IL1R1: variants seen among roughly 807,000 people sequenced by gnomAD.
The protein encoded by IL1R1 is interleukin 1 receptor type 1, also known as interleukin-1 receptor type 1.
A neutral mutation model predicts 50.2 loss-of-function variants in IL1R1; 22 were observed. That is an observed-to-expected ratio of 0.44 (90% CI 0.31 to 0.63). The LOEUF is 0.63. IL1R1 is among the 20% of genes least tolerant of loss of function. The probability of loss-of-function intolerance (pLI) is 0.07; values close to 1 mark genes in which losing one functional copy is unlikely to be tolerated. For missense variants in IL1R1, 509 were observed against 676.2 expected, an observed-to-expected ratio of 0.75 and a Z score of 2.74; for synonymous variants, 251 against 236.7, an observed-to-expected ratio of 1.06 and a Z score of -0.55.
At chr2:102,141,376 AC>A (rs1263220352), upstream of IL1R1, among the ~76,000 whole-genome samples, 2 of 152,210 alleles carry the variant, frequency 1.3e-5, no homozygotes, top group African/African-American at 4.8e-5. Flanking sequence ...AGGCTGTGAG[AC>A]CTTCTGCTGT....
intron 1 of IL1R1, among the ~76,000 whole-genome samples, chr2:102,120,326 G>A (rs144957658): frequency 2.6e-4 from 40 of 152,180 alleles, no homozygotes; most frequent in African/African-American, 8.7e-4. Flanking sequence ...GTGAATGTAC[G>A]TGTTTGTTGT....
chr2:102,134,065 CA>C (rs1305035135), intron 1 of IL1R1, among the ~76,000 whole-genome samples: 1 of 152,086 alleles, frequency 6.6e-6, no homozygotes. Flanking sequence ...GATCAATATA[CA>C]AAAATCAGTT....
At chr2:102,165,610 CA>C (rs984705979) in intron 5 of IL1R1, among the ~76,000 whole-genome samples, 1 of 152,088 alleles carries the variant, frequency 6.6e-6, no homozygotes, top group African/African-American at 2.4e-5. Context: ...CTATTTATTA[CA>C]AAACATACTA....
At chr2:102,127,889 T>C (rs1255560714) in intron 1 of IL1R1, among the ~76,000 whole-genome samples, 1 of 152,204 alleles carries the variant, frequency 6.6e-6, no homozygotes, top group African/African-American at 2.4e-5. Flanking sequence ...AAAACCACTT[T>C]CACATGGCAA....
intron 5 of IL1R1, among the ~76,000 whole-genome samples, chr2:102,165,643 G>A (rs981153992): frequency 7.9e-5 from 12 of 152,188 alleles, no homozygotes; most frequent in African/African-American, 2.9e-4. Flanking sequence ...TTGAAGATAT[G>A]GTCTTCAAAT....
At chr2:102,102,914 C>T (rs1457419211), upstream of IL1R1, among the ~76,000 whole-genome samples, 1 of 152,072 alleles carries the variant, frequency 6.6e-6, no homozygotes, top group Non-Finnish European at 1.5e-5. Context: ...TCAAATACTG[C>T]ATGGTCTCAC....
intron 1 of IL1R1, among the ~76,000 whole-genome samples, chr2:102,106,909 C>G (rs1372922208): frequency 1.3e-5 from 2 of 152,092 alleles, no homozygotes; most frequent in Admixed American, 6.6e-5. Flanking sequence ...ATGTTCTTCT[C>G]TTATTAACAG....
chr2:102,174,301 T>TAAATGTGGATTTTAACTTTTCCCTG (rs1243907110), intron 9 of IL1R1, among the ~76,000 whole-genome samples: 2 of 152,204 alleles, frequency 1.3e-5, no homozygotes, highest in Non-Finnish European at 2.9e-5. Context: ...TTTTCCCTGT[T>TAAATGTGGATTTTAACTTTTCCCTG]TTACTGTGGA....
chr2:102,145,138 T>C (rs1212177909), intron 1 of IL1R1, among the ~76,000 whole-genome samples: 1 of 152,228 alleles, frequency 6.6e-6, no homozygotes, highest in African/African-American at 2.4e-5. Context: ...ATAATGGATA[T>C]ACTAGGTTCT....
chr2:102,103,122 T>C (rs928057253), upstream of IL1R1, among the ~76,000 whole-genome samples: 1 of 152,078 alleles, frequency 6.6e-6, no homozygotes, highest in Non-Finnish European at 1.5e-5. Flanking sequence ...ATAACAGACC[T>C]GCACAAGTAC....
chr2:102,134,262 G>GTTCTC (rs1682212345), intron 1 of IL1R1, among the ~76,000 whole-genome samples: 1 of 151,680 alleles, frequency 6.6e-6, no homozygotes, highest in African/African-American at 2.4e-5. Flanking sequence ...GTTCTTGTCG[G>GTTCTC]TGCACTCAAC....
chr2:102,115,527 G>A (rs965342960), intron 1 of IL1R1, among the ~76,000 whole-genome samples: 1 of 152,176 alleles, frequency 6.6e-6, no homozygotes, highest in Non-Finnish European at 1.5e-5. Flanking sequence ...CTGAACAGCA[G>A]GGGAGAGAAC....
chr2:102,160,633 T>C (rs1355895036), intron 3 of IL1R1, among the ~76,000 whole-genome samples: 2 of 151,996 alleles, frequency 1.3e-5, no homozygotes, highest in Non-Finnish European at 2.9e-5. Flanking sequence ...CCCAAACCAA[T>C]GTTACCCCAG....
chr2:102,146,726 T>G (rs913783957), intron 1 of IL1R1, among the ~76,000 whole-genome samples: 1 of 152,234 alleles, frequency 6.6e-6, no homozygotes, highest in African/African-American at 2.4e-5. Context: ...GGGGCTAGGC[T>G]TCAAACATTG....
upstream of IL1R1, among the ~76,000 whole-genome samples, chr2:102,102,027 A>G: frequency 6.6e-6 from 1 of 152,228 alleles, no homozygotes; most frequent in East Asian, 1.9e-4. Flanking sequence ...TTAACTAAAC[A>G]GTGCAGATTC....
Position 102,132,220 on chromosome 2 carries a change from A to T in IL1R1, c.-83-21721A>T, listed in dbSNP as rs114561265. 3.0e-3 allele frequency among the ~76,000 whole-genome samples: 460 copies of T among 151,658 alleles called. 5 individuals are homozygous for T. The highest frequency in any genetic ancestry group is 0.01 in the African/African-American group (434 of 41,382). ...TCAGACAGAAGGAAAAGGATACTAG[A>T]TGGAGATCTGGATCTATCCAAAGGA... On this transcript the variant is annotated intron_variant, in intron 1 of 10. Coordinates refer to the IL1R1 transcript ENST00000409329.
intron 8 of IL1R1, chr2:102,172,316 A>G (rs1685760474): frequency 1.0e-6 from 1 of 985,202 alleles, no homozygotes; most frequent in Non-Finnish European, 1.2e-6. Context: ...TGGGACAAGG[A>G]TCTCCTGGCT....
At chr2:102,111,434 G>A (rs186295091) in intron 1 of IL1R1, among the ~76,000 whole-genome samples, 2 of 152,300 alleles carry the variant, frequency 1.3e-5, no homozygotes, top group African/African-American at 2.4e-5. Flanking sequence ...TACGTTCTAC[G>A]TCTCTCTGGA....
intron 1 of IL1R1, among the ~76,000 whole-genome samples, chr2:102,150,880 AG>A (rs1683591483): frequency 6.6e-6 from 1 of 152,212 alleles, no homozygotes; most frequent in Non-Finnish European, 1.5e-5. Context: ...AAGGCTGAAC[AG>A]GGGGAACCGT....
Sources: gnomAD v4.1 joint callset for allele counts (sites outside exome capture counted in the v4.1 genomes callset) on GRCh38, gnomAD v4.1.1 for gene constraint, MANE v1.5 for transcripts, NCBI Gene and HGNC (gene_info 2026-07-23, HGNC 2026-07-21) for gene names.